Variants in RIMS1 observed in about 807,000 individuals in gnomAD.
RIMS1 encodes the protein regulating synaptic membrane exocytosis protein 1.
Under a neutral mutation model 214.1 loss-of-function variants are expected in RIMS1, and 83 were observed. The observed-to-expected ratio is 0.39, with a 90% CI of 0.32 to 0.47. RIMS1 has a LOEUF of 0.47. Among genes scored for constraint, RIMS1 ranks in the 20% least tolerant of loss-of-function variants. The pLI is 0.99. For missense variants in RIMS1, 2,050 were observed against 2,161.8 expected (o/e 0.95, Z 1.03); for synonymous variants, 793 against 786.8 (o/e 1.01, Z -0.13).
At chr6:72,062,324 A>C (rs1249002386) in intron 2 of RIMS1, among the ~76,000 whole-genome samples, 2 of 151,882 alleles carry the variant, frequency 1.3e-5, no homozygotes, top group Non-Finnish European at 2.9e-5. Flanking sequence ...TGCACAAACT[A>C]CTTGGATCCT....
chr6:71,916,863 AGAGGCTTTATTT>A (rs1327716828), intron 1 of RIMS1, among the ~76,000 whole-genome samples: 19 of 152,260 alleles, frequency 1.2e-4, no homozygotes, highest in Admixed American at 9.8e-4. Flanking sequence ...TGGGACAACC[AGAGGCTTTATTT>A]CTTCATTTAA....
intron 2 of RIMS1, among the ~76,000 whole-genome samples, chr6:71,979,377 G>A (rs140093227): frequency 9.3e-4 from 142 of 152,150 alleles, no homozygotes; most frequent in Admixed American, 1.6e-3. Flanking sequence ...CATGACCTAT[G>A]TTAGTGGCTT....
At chr6:72,069,972 C>T (rs1260929632) in intron 2 of RIMS1, among the ~76,000 whole-genome samples, 1 of 152,210 alleles carries the variant, frequency 6.6e-6, no homozygotes, top group Non-Finnish European at 1.5e-5. Flanking sequence ...ATGTATGACA[C>T]TTAAATTATG....
chr6:72,323,584 A>G (rs1188357824), intron 28 of RIMS1, among the ~76,000 whole-genome samples: 3 of 151,962 alleles, frequency 2.0e-5, no homozygotes, highest in Admixed American at 1.3e-4. Flanking sequence ...AATATAAACA[A>G]GTTGAACATG....
chr6:72,119,205 G>T (rs1208373721), intron 4 of RIMS1, among the ~76,000 whole-genome samples: 1 of 151,528 alleles, frequency 6.6e-6, no homozygotes. Flanking sequence ...ATCAAATAAA[G>T]ACCTCAATCC....
chr6:72,010,573 A>G lies in RIMS1; in HGVS notation c.245+41510A>G, dbSNP rs1045511298. On this transcript the variant is annotated intron_variant, in intron 2 of 33. Transcript: ENST00000521978. Reference sequence around the variant, plus strand: ...TTGCAGATGTTATAATTGTATATCTAGAAAACCCTATTGTTTCAGCCCAAA... The same window carrying G: ...TTGCAGATGTTATAATTGTATATCTGGAAAACCCTATTGTTTCAGCCCAAA... Among the ~76,000 whole-genome samples, 4 of 152,250 alleles carry G rather than the reference A, an allele frequency of 2.6e-5. No homozygotes were observed. The East Asian group carries it at 7.7e-4, about 29-fold the overall frequency.
At chr6:71,955,444 G>C (rs1471101844) in intron 1 of RIMS1, among the ~76,000 whole-genome samples, 1 of 152,120 alleles carries the variant, frequency 6.6e-6, no homozygotes, top group Admixed American at 6.5e-5. Flanking sequence ...TGGGATTACA[G>C]GCATGAGCCA....
chr6:72,027,767 G>GT (rs909696783), intron 2 of RIMS1, among the ~76,000 whole-genome samples: 7 of 151,934 alleles, frequency 4.6e-5, no homozygotes, highest in South Asian at 2.1e-4. Context: ...ATTTTTATGG[G>GT]TTTTTTTAAT....
intron 6 of RIMS1, among the ~76,000 whole-genome samples, chr6:72,198,026 A>G (rs1213939596): frequency 3.3e-5 from 5 of 152,158 alleles, no homozygotes; most frequent in Non-Finnish European, 7.4e-5. Context: ...ACTACAGTTG[A>G]TGAATGCCTT....
chr6:72,110,939 G>A (rs1451607122), intron 4 of RIMS1, among the ~76,000 whole-genome samples: 1 of 152,058 alleles, frequency 6.6e-6, no homozygotes, highest in Non-Finnish European at 1.5e-5. Flanking sequence ...ATGAATTAGT[G>A]GATATGGTGT....
intron 2 of RIMS1, among the ~76,000 whole-genome samples, chr6:72,077,529 G>A (rs1314413648): frequency 6.6e-6 from 1 of 152,164 alleles, no homozygotes; most frequent in Non-Finnish European, 1.5e-5. Context: ...GGATGTAAGA[G>A]ACAAAACCAC....
At chr6:72,115,240 A>C (rs2036849369) in intron 4 of RIMS1, among the ~76,000 whole-genome samples, 1 of 151,938 alleles carries the variant, frequency 6.6e-6, no homozygotes, top group South Asian at 2.1e-4. Flanking sequence ...AAAATAGCAC[A>C]TTTTTAACAA....
chr6:72,363,759 A>G (rs953573894), intron 29 of RIMS1, among the ~76,000 whole-genome samples: 11 of 152,206 alleles, frequency 7.2e-5, no homozygotes, highest in African/African-American at 2.7e-4. Context: ...CAAATTGTAT[A>G]ATGAAAACAG....
At chr6:72,139,336 T>C (rs1032879501) in intron 4 of RIMS1, among the ~76,000 whole-genome samples, 2 of 152,192 alleles carry the variant, frequency 1.3e-5, no homozygotes, top group African/African-American at 4.8e-5. Context: ...CAGTTTCCTA[T>C]ACCTAGAATG....
intron 16 of RIMS1, among the ~76,000 whole-genome samples, chr6:72,254,268 A>T (rs1483777811): frequency 6.6e-6 from 1 of 152,138 alleles, no homozygotes; most frequent in Non-Finnish European, 1.5e-5. Flanking sequence ...TTAACCTTTG[A>T]TGTCAGTGTA....
At chr6:72,126,660 AC>A (rs1325299864) in intron 4 of RIMS1, 1 of 265,360 alleles carries the variant, frequency 3.8e-6, no homozygotes, top group African/African-American at 2.3e-5. Flanking sequence ...CAAGTGGCAA[AC>A]AAATATATGA....
intron 29 of RIMS1, among the ~76,000 whole-genome samples, chr6:72,343,738 G>A (rs2097174828): frequency 6.6e-6 from 1 of 151,208 alleles, no homozygotes; most frequent in Non-Finnish European, 1.5e-5. Flanking sequence ...GTCCATAGTG[G>A]AGTTCAAAAC....
intron 29 of RIMS1, among the ~76,000 whole-genome samples, chr6:72,371,874 CCT>C (rs1304116129): frequency 6.6e-6 from 1 of 152,156 alleles, no homozygotes; most frequent in Non-Finnish European, 1.5e-5. Context: ...AATAATTTAA[CCT>C]CTCTCATCCT....
intron 2 of RIMS1, among the ~76,000 whole-genome samples, chr6:72,093,267 C>CACACACATACACACAATACATATAT (rs1836847345): frequency 7.9e-6 from 1 of 126,112 alleles, no homozygotes; most frequent in Admixed American, 8.8e-5. Flanking sequence ...TATATGTATA[C>CACACACATACACACAATACATATAT]ACACACATAC....
Sources: gnomAD v4.1 joint callset for allele counts (sites outside exome capture counted in the v4.1 genomes callset) on GRCh38, gnomAD v4.1.1 for gene constraint, MANE v1.5 for transcripts, NCBI Gene and HGNC (gene_info 2026-07-23, HGNC 2026-07-21) for gene names.